Variants in SYNPR observed in about 807,000 individuals in gnomAD.
SYNPR encodes the protein synaptoporin.
Under a neutral mutation model 32.9 loss-of-function variants are expected in SYNPR, and 23 were observed. That is an observed-to-expected ratio of 0.70 (90% CI 0.50 to 0.99). The LOEUF (loss-of-function observed/expected upper bound fraction) is 0.99. Ranked by LOEUF, SYNPR falls within the 50% of genes least tolerant of loss-of-function variation. The pLI is 0.00. For synonymous variants in SYNPR, 146 were observed against 135.9 expected, an observed-to-expected ratio of 1.07 and a Z score of -0.52; for missense variants, 318 against 349.3, an observed-to-expected ratio of 0.91 and a Z score of 0.71.
intron 2 of SYNPR, among the ~76,000 whole-genome samples, chr3:63,415,444 G>T (rs1456903519): frequency 2.0e-5 from 3 of 151,462 alleles, no homozygotes; most frequent in Admixed American, 1.3e-4. Flanking sequence ...GTTTTTAAAG[G>T]TTATTTAAAA....
intron 2 of SYNPR, among the ~76,000 whole-genome samples, chr3:63,299,607 G>A (rs1292695319): frequency 6.6e-6 from 1 of 152,102 alleles, no homozygotes; most frequent in Admixed American, 6.6e-5. Flanking sequence ...CAGGGAGACA[G>A]GCAGAAAAAC....
At chr3:63,442,468 G>A (rs1014085059) in intron 2 of SYNPR, among the ~76,000 whole-genome samples, 2 of 152,136 alleles carry the variant, frequency 1.3e-5, no homozygotes, top group African/African-American at 4.8e-5. Context: ...TGTCCACGAT[G>A]CCAGTGTGAG....
chr3:63,606,484 T>G (rs1040320953), intron 4 of SYNPR, among the ~76,000 whole-genome samples: 1 of 139,400 alleles, frequency 7.2e-6, no homozygotes, highest in African/African-American at 2.7e-5. Flanking sequence ...CTGGCTGGAG[T>G]GCAGTGATGC....
At chr3:63,342,083 TGTTCA>T (rs954902138) in intron 2 of SYNPR, among the ~76,000 whole-genome samples, 68 of 152,208 alleles carry the variant, frequency 4.5e-4, no homozygotes, top group African/African-American at 1.4e-3. Flanking sequence ...TGCATATAAA[TGTTCA>T]GTTGTTTTAG....
rs115129177 is a variant in SYNPR, at chr3:63,446,926, G to A, written c.85-33906G>A. Among the ~76,000 whole-genome samples the A allele has an allele frequency of 1.9e-3, 284 of 152,172 alleles. 2 individuals carry two copies. Among genetic ancestry groups the A allele is most frequent in the Middle Eastern group, 3.4e-3 (1 of 294 alleles). The stretch of plus-strand genomic sequence containing the variant: ...CAGTTAGTTAAAAAAAGTTCAGAGT[G>A]CAGTACACAATAAAATACATTTCCA... On this transcript the variant is annotated intron_variant, in intron 2 of 5. Transcript: ENST00000478300.
intron 3 of SYNPR, among the ~76,000 whole-genome samples, chr3:63,482,960 T>C (rs555289736): frequency 6.6e-6 from 1 of 152,190 alleles, no homozygotes; most frequent in Admixed American, 6.6e-5. Context: ...TAAAAAGTGA[T>C]AATATCCACT....
At chr3:63,323,817 T>G (rs543536352) in intron 2 of SYNPR, among the ~76,000 whole-genome samples, 12 of 152,276 alleles carry the variant, frequency 7.9e-5, no homozygotes, top group Non-Finnish European at 1.6e-4. Context: ...TAGCACTTTG[T>G]TCCAAGAATT....
intron 2 of SYNPR, among the ~76,000 whole-genome samples, chr3:63,413,897 G>A (rs767986645): frequency 2.6e-5 from 4 of 152,010 alleles, no homozygotes; most frequent in Non-Finnish European, 5.9e-5. Flanking sequence ...GAAGCTAGGA[G>A]CTGAAGTATC....
chr3:63,297,324 A>G (rs1191775992), intron 2 of SYNPR, among the ~76,000 whole-genome samples: 3 of 152,176 alleles, frequency 2.0e-5, no homozygotes, highest in East Asian at 1.9e-4. Context: ...TATGTTTTAC[A>G]TGCATTCTAT....
At chr3:63,429,963 A>G (rs772959201) in intron 2 of SYNPR, among the ~76,000 whole-genome samples, 1 of 152,252 alleles carries the variant, frequency 6.6e-6, no homozygotes, top group Non-Finnish European at 1.5e-5. Context: ...ATTAGGCTCT[A>G]GGTAAGGACC....
the SYNPR span, among the ~76,000 whole-genome samples, chr3:63,206,335 G>T: frequency 1.3e-5 from 2 of 152,100 alleles, no homozygotes; most frequent in Non-Finnish European, 2.9e-5. Context: ...AATATAGGCT[G>T]GGCACAGTGG....
intron 2 of SYNPR, among the ~76,000 whole-genome samples, chr3:63,437,654 G>GGAGGGAGA (rs1020928886): frequency 6.6e-6 from 1 of 151,528 alleles, no homozygotes; most frequent in African/African-American, 2.4e-5. Context: ...AGGGAGGGAG[G>GGAGGGAGA]GAGGGAGAGA....
Position 63,616,918 on chromosome 3 carries a change from T to C in SYNPR, c.*1437T>C, listed in dbSNP as rs920312822. On this transcript the variant is annotated 3_prime_UTR_variant, in exon 6 of 6. Transcript: ENST00000478300. ...ATTTGATGTTAATAAAGTTATTGCA[T>C]ACAGTGCTGGCTGGACAGTGAACAA... The C allele has an allele frequency of 1.3e-5, 2 of 152,208 alleles. No homozygotes were observed. Among genetic ancestry groups the C allele is most frequent in the African/African-American group, 4.8e-5 (2 of 41,448 alleles). 9.4% of individuals were successfully genotyped at this position (152,208 alleles called of 1,614,324 possible).
At chr3:63,523,014 G>C (rs780825153) in intron 3 of SYNPR, among the ~76,000 whole-genome samples, 4 of 152,118 alleles carry the variant, frequency 2.6e-5, no homozygotes, top group Admixed American at 6.5e-5. Context: ...AGTCCAGAAA[G>C]GAATAGTTTT....
chr3:63,254,088 T>A (rs1265890515), intron 2 of SYNPR, among the ~76,000 whole-genome samples: 1 of 152,034 alleles, frequency 6.6e-6, no homozygotes, highest in Non-Finnish European at 1.5e-5. Flanking sequence ...AAACACCGCA[T>A]GTTCTCACTC....
chr3:63,237,266 A>C (rs937485956), intron 1 of SYNPR, among the ~76,000 whole-genome samples: 4 of 151,738 alleles, frequency 2.6e-5, no homozygotes, highest in Admixed American at 2.6e-4. Context: ...TCTCATTCAA[A>C]TTGAGTGAAA....
intron 2 of SYNPR, among the ~76,000 whole-genome samples, chr3:63,353,897 T>TTGATTTTGGATCAACTAA (rs1332915755): frequency 2.0e-5 from 3 of 152,234 alleles, no homozygotes; most frequent in East Asian, 3.8e-4. Flanking sequence ...AAGCTTTGTG[T>TTGATTTTGGATCAACTAA]TGCTTTTGGA....
intron 3 of SYNPR, among the ~76,000 whole-genome samples, chr3:63,482,030 C>T (rs941819871): frequency 5.3e-5 from 8 of 151,618 alleles, no homozygotes; most frequent in African/African-American, 1.7e-4. Flanking sequence ...GAGCCCAGGA[C>T]TCTCAGTCTT....
At chr3:63,439,079 T>C (rs1297503269) in intron 2 of SYNPR, among the ~76,000 whole-genome samples, 4 of 152,192 alleles carry the variant, frequency 2.6e-5, no homozygotes, top group East Asian at 3.9e-4. Flanking sequence ...AAAGGAACTG[T>C]TGCATTTACC....
Sources: allele counts gnomAD v4.1 joint callset (sites outside exome capture counted in the v4.1 genomes callset), GRCh38; gene constraint gnomAD v4.1.1; transcripts MANE v1.5; gene names NCBI Gene and HGNC (gene_info 2026-07-23, HGNC 2026-07-21).